The following OTUD7A variants were observed in gnomAD, a reference collection of about 807,000 sequenced individuals.
OTUD7A encodes OTU deubiquitinase 7A.
Under a neutral mutation model 65.7 loss-of-function variants are expected in OTUD7A, and 12 were observed. The ratio of observed to expected loss-of-function variants is 0.18; its 90% CI spans 0.12 to 0.30. OTUD7A has a LOEUF of 0.30. OTUD7A is among the 10% of genes least tolerant of loss of function. The pLI, the probability that OTUD7A is intolerant of heterozygous loss-of-function variation, is 1.00. For missense variants in OTUD7A, 1,148 were observed against 1,304.8 expected (o/e 0.88, Z 1.85); for synonymous variants, 641 against 586.3 (o/e 1.09, Z -1.35).
At chr15:31,535,319 C>T (rs1386166102) in intron 5 of OTUD7A, among the ~76,000 whole-genome samples, 1 of 152,178 alleles carries the variant, frequency 6.6e-6, no homozygotes, top group Non-Finnish European at 1.5e-5. Flanking sequence ...TGTCTCTCTC[C>T]TGCCACCTTG....
chr15:31,829,031 C>G (rs1347123483), intron 1 of OTUD7A, among the ~76,000 whole-genome samples: 1 of 152,146 alleles, frequency 6.6e-6, no homozygotes, highest in African/African-American at 2.4e-5. Context: ...TGTACATGCT[C>G]CATAAACATC....
chr15:31,557,774 A>C (rs375049165), intron 5 of OTUD7A: 9 of 152,166 alleles, frequency 5.9e-5, no homozygotes, highest in African/African-American at 1.9e-4. Flanking sequence ...TATCAGAATC[A>C]TACCAACCTA....
intron 1 of OTUD7A, among the ~76,000 whole-genome samples, chr15:31,841,670 A>G (rs1311259133): frequency 2.0e-5 from 3 of 152,192 alleles, no homozygotes; most frequent in Non-Finnish European, 4.4e-5. Flanking sequence ...CTCCTCTCTC[A>G]GATTTCTAAG....
At chr15:31,788,727 G>A (rs1173260591) in intron 1 of OTUD7A, among the ~76,000 whole-genome samples, 1 of 152,118 alleles carries the variant, frequency 6.6e-6, no homozygotes, top group Non-Finnish European at 1.5e-5. Flanking sequence ...CAATGTGAAT[G>A]GAGGAGAGAA....
chr15:31,530,956 A>G (rs368638509), intron 5 of OTUD7A, 148 bp from the exon 6 acceptor site: 12 of 551,910 alleles, frequency 2.2e-5, no homozygotes, highest in East Asian at 6.3e-5. Context: ...CTCCTCAAAT[A>G]AAATATAGAT....
intron 3 of OTUD7A, among the ~76,000 whole-genome samples, chr15:31,589,555 G>A (rs181451314): frequency 3.4e-5 from 5 of 146,986 alleles, no homozygotes; most frequent in African/African-American, 7.7e-5. Flanking sequence ...TGCCTACCTC[G>A]GCCTCCCAAA....
intron 8 of OTUD7A, among the ~76,000 whole-genome samples, chr15:31,505,748 A>AT (rs58989170): frequency 6.5e-4 from 94 of 145,434 alleles, no homozygotes; most frequent in South Asian, 3.3e-3. Context: ...ATTGAAGTTA[A>AT]TTTTTTTTTT....
intron 5 of OTUD7A, among the ~76,000 whole-genome samples, chr15:31,543,102 G>A (rs1254755427): frequency 6.6e-6 from 1 of 151,812 alleles, no homozygotes; most frequent in African/African-American, 2.4e-5. Context: ...ACTAATGTCT[G>A]ATGAGATTAA....
chr15:31,745,852 C>T (rs1894460845), intron 1 of OTUD7A, among the ~76,000 whole-genome samples: 1 of 151,690 alleles, frequency 6.6e-6, no homozygotes, highest in Non-Finnish European at 1.5e-5. Context: ...GCAGATTATC[C>T]AATTTTTTTA....
At chr15:31,802,135 G>GTATATATA (rs1434073127) in intron 1 of OTUD7A, among the ~76,000 whole-genome samples, 25 of 123,986 alleles carry the variant, frequency 2.0e-4, no homozygotes, top group African/African-American at 7.0e-4. Flanking sequence ...GTGTGTGTGT[G>GTATATATA]TGTGTGTATA....
At chr15:31,501,148 G>A (rs2041459773) in intron 10 of OTUD7A, among the ~76,000 whole-genome samples, 1 of 152,230 alleles carries the variant, frequency 6.6e-6, no homozygotes, top group African/African-American at 2.4e-5. Context: ...CCTGGAGCAG[G>A]GGTGAGCAAA....
intron 8 of OTUD7A, among the ~76,000 whole-genome samples, chr15:31,522,479 A>C (rs1361637047): frequency 1.8e-4 from 28 of 152,168 alleles, no homozygotes; most frequent in Non-Finnish European, 2.9e-5. Context: ...CAGACACCAT[A>C]ATCACGTGAG....
chr15:31,604,913 C>T (rs1391026875), intron 3 of OTUD7A, among the ~76,000 whole-genome samples: 2 of 152,152 alleles, frequency 1.3e-5, no homozygotes, highest in African/African-American at 2.4e-5. Flanking sequence ...CATGAGACTC[C>T]GGGTCTAACT....
intron 5 of OTUD7A, among the ~76,000 whole-genome samples, chr15:31,537,148 G>T (rs1887829495): frequency 6.6e-6 from 1 of 152,082 alleles, no homozygotes; most frequent in Non-Finnish European, 1.5e-5. Flanking sequence ...AAGGCCCTCA[G>T]GAGTATATTT....
intron 8 of OTUD7A, among the ~76,000 whole-genome samples, chr15:31,510,157 G>A (rs12441163): frequency 0.21 from 32,292 of 150,490 alleles, 4,598 homozygotes; most frequent in African/African-American, 0.41. Flanking sequence ...TTGCATGGCT[G>A]TAGTCTTGGC....
chr15:31,611,270 G>A (rs911181063), intron 3 of OTUD7A, among the ~76,000 whole-genome samples: 1 of 151,974 alleles, frequency 6.6e-6, no homozygotes, highest in Non-Finnish European at 1.5e-5. Flanking sequence ...ACAAACCAAA[G>A]CCAAACCCAG....
At chr15:31,719,802 T>C (rs777368868) in intron 1 of OTUD7A, among the ~76,000 whole-genome samples, 14 of 152,130 alleles carry the variant, frequency 9.2e-5, no homozygotes, top group Non-Finnish European at 1.6e-4. Flanking sequence ...GATACCCTGT[T>C]CCTCTCTGAT....
chr15:31,821,095 C>CGCAAA (rs1193240935), intron 1 of OTUD7A, among the ~76,000 whole-genome samples: 13 of 151,028 alleles, frequency 8.6e-5, no homozygotes, highest in Admixed American at 5.3e-4. Flanking sequence ...ACATATTTTC[C>CGCAAA]AGGGTCAATC....
rs1480140565 is a variant in OTUD7A at position 31,732,139 on chromosome 15, C to A, written c.-99-75062G>T. On this transcript the variant is annotated intron_variant, in intron 1 of 12. Transcript: ENST00000307050. Reference sequence around the variant, plus strand: ...AATCATCCCCTCAGTCTCTCCTACACTTCATGGCCTTTTCCTACAACTATT... The same window carrying A: ...AATCATCCCCTCAGTCTCTCCTACAATTCATGGCCTTTTCCTACAACTATT... 1.3e-5 allele frequency among the ~76,000 whole-genome samples: 2 copies of A among 152,192 alleles called. 1 individual carries two copies. The highest frequency in any genetic ancestry group is 4.1e-4 in the South Asian group (2 of 4,822).
Sources: allele counts gnomAD v4.1 joint callset (sites outside exome capture counted in the v4.1 genomes callset), GRCh38; gene constraint gnomAD v4.1.1; transcripts MANE v1.5; gene names NCBI Gene and HGNC (gene_info 2026-07-23, HGNC 2026-07-21).